Variants in NCOR1 observed in about 807,000 individuals in gnomAD.
NCOR1 encodes nuclear receptor corepressor 1, also known as protein phosphatase 1, regulatory subunit 109.
A neutral mutation model predicts 288.1 loss-of-function variants in NCOR1; 63 were observed. That is an observed-to-expected ratio of 0.22 (90% CI 0.18 to 0.27). The LOEUF (loss-of-function observed/expected upper bound fraction) is 0.27, where lower values mean the gene tolerates loss of function less well. Among genes scored for constraint, NCOR1 ranks in the 10% least tolerant of loss-of-function variants. The pLI is 1.00. For synonymous variants in NCOR1, 1,007 were observed against 1,065.9 expected (o/e 0.94, Z 1.08); for missense variants, 2,397 against 3,019.2 (o/e 0.79, Z 4.83).
intron 4 of NCOR1, among the ~76,000 whole-genome samples, chr17:16,170,535 T>C (rs947971348): frequency 6.6e-6 from 1 of 151,472 alleles, no homozygotes; most frequent in Non-Finnish European, 1.5e-5. Flanking sequence ...CAAAGCAGAG[T>C]TGAAAAAGGT....
chr17:16,104,042 G>C (rs1233125225), intron 19 of NCOR1, among the ~76,000 whole-genome samples: 1 of 151,948 alleles, frequency 6.6e-6, no homozygotes, highest in African/African-American at 2.4e-5. Context: ...CCTTAACAAA[G>C]TTATATTTTG....
chr17:16,162,589 G>A (rs554930330), intron 5 of NCOR1, among the ~76,000 whole-genome samples: 1 of 152,006 alleles, frequency 6.6e-6, no homozygotes, highest in Admixed American at 6.6e-5. Flanking sequence ...TTTAGACCAA[G>A]AGCTAATGTC....
Position 16,053,995 on chromosome 17 carries a change from G to C in NCOR1, c.6392+3519C>G, listed in dbSNP as rs187866359. 2.8e-4 allele frequency among the ~76,000 whole-genome samples: 39 copies of C among 138,112 alleles called. No homozygotes were observed. The East Asian group carries it at 8.5e-3, about 30-fold the overall frequency. The allele number at this position is 138,112 out of a possible 152,430, so 90.6% of individuals were successfully genotyped here. A position where few individuals can be genotyped will look rare whatever the true frequency, so the allele number is the denominator to read the frequency against. The stretch of plus-strand genomic sequence containing the variant: ...CTGGGATAACTGGCTATCACATGCA[G>C]AAGACTGAAACTGGGCTTCTTCTTT... On this transcript the variant is annotated intron_variant, in intron 40 of 45. Transcript: ENST00000268712.
intron 15 of NCOR1, chr17:16,122,664 T>C (rs1182511248): frequency 1.3e-5 from 2 of 152,282 alleles, no homozygotes; most frequent in Non-Finnish European, 1.5e-5. Flanking sequence ...TGAGAAAGTG[T>C]CTCACTCCGT....
intron 5 of NCOR1, among the ~76,000 whole-genome samples, chr17:16,159,683 G>T (rs577210048): frequency 6.6e-6 from 1 of 152,018 alleles, no homozygotes; most frequent in African/African-American, 2.4e-5. Flanking sequence ...ACAGTGCTCC[G>T]GTCAAAGGGC....
chr17:16,085,775 A>G (rs988607965), intron 23 of NCOR1, among the ~76,000 whole-genome samples: 1 of 152,238 alleles, frequency 6.6e-6, no homozygotes, highest in Non-Finnish European at 1.5e-5. Context: ...CAATAAGTTG[A>G]CAGGGGTGTG....
At position 16,080,456 on chromosome 17, in the gene NCOR1, G is replaced by C. The variant is rs770751119; in HGVS notation, c.3352C>G (p.Gln1118Glu). Residue 1118 changes from glutamine to glutamate, a missense_variant, in exon 25 of 46, where the codon CAA (glutamine) becomes GAA (glutamate). Around this residue, in one of 11 missense-constraint regions of NCOR1, gnomAD observed 1,872 missense variants for 2,187.8 expected, o/e 0.86. Coordinates refer to ENST00000268712, the MANE Select transcript of NCOR1 (RefSeq NM_006311.4). ...EEFSPRSQNS[Q>E]PEGLLVRAQH... ...GCCCTGACCAACAGACCCTCAGGTT[G>C]TGAGTTTTGGCTTCGGGGAGAAAAT... is the stretch of plus-strand genomic sequence containing the variant. 6.2e-7 allele frequency: 1 copy of C among 1,614,168 alleles called. No individual in the cohort carries two copies. The highest frequency in any genetic ancestry group is 8.5e-7 in the Non-Finnish European group (1 of 1,180,032).
chr17:16,195,452 C>T (rs991011309), intron 1 of NCOR1, among the ~76,000 whole-genome samples: 1 of 150,756 alleles, frequency 6.6e-6, no homozygotes, highest in African/African-American at 2.4e-5. Flanking sequence ...GCCGGGGCAA[C>T]AGAGCAAGAC....
chr17:16,126,373 T>C (rs993777865), intron 14 of NCOR1, among the ~76,000 whole-genome samples, 167 bp from the exon 15 acceptor site: 4 of 152,190 alleles, frequency 2.6e-5, no homozygotes, highest in Admixed American at 6.5e-5. Flanking sequence ...TAATGTATTC[T>C]ATATGTACTG....
At chr17:16,152,390 G>A (rs2079019612) in intron 7 of NCOR1, among the ~76,000 whole-genome samples, 1 of 151,914 alleles carries the variant, frequency 6.6e-6, no homozygotes, top group Admixed American at 6.6e-5. Flanking sequence ...ATCTATGAGT[G>A]GGAACATGCA....
At chr17:16,196,779 C>T (rs1475185130) in intron 1 of NCOR1, among the ~76,000 whole-genome samples, 20 of 140,814 alleles carry the variant, frequency 1.4e-4, no homozygotes, top group African/African-American at 4.8e-4. Context: ...GAGCCAAGAT[C>T]GGGCCACTGC....
rs894216663 is a variant in NCOR1 at position 16,186,493 on chromosome 17, G to A, written c.242+61C>T. 9.3e-6 allele frequency: 14 copies of A among 1,503,138 alleles called. No individual in the cohort carries two copies. The African/African-American group carries it at 1.4e-4, about 15-fold the overall frequency. 93.1% of individuals were successfully genotyped at this position (1,503,138 alleles called of 1,614,324 possible). ...ATAAAAAGTAAAAAAATAAAATAAT[G>A]ACAAACTTGTATACTTCACAATTAT... On this transcript the variant is annotated intron_variant, in intron 3 of 45. Transcript: ENST00000268712.
At chr17:16,060,488 T>A (rs1440242606) in intron 37 of NCOR1, among the ~76,000 whole-genome samples, 1 of 152,232 alleles carries the variant, frequency 6.6e-6, no homozygotes, top group South Asian at 2.1e-4. Flanking sequence ...ATGCAGAAAA[T>A]CTATATTGCA....
chr17:16,210,823 G>A (rs1412085045), intron 1 of NCOR1, among the ~76,000 whole-genome samples: 6 of 151,534 alleles, frequency 4.0e-5, no homozygotes, highest in Middle Eastern at 3.4e-3. Flanking sequence ...TCCGCCTCCC[G>A]GGTTCACGCC....
chr17:16,107,028 G>A (rs547307503), intron 19 of NCOR1, among the ~76,000 whole-genome samples: 1 of 150,588 alleles, frequency 6.6e-6, no homozygotes, highest in Non-Finnish European at 1.5e-5. Flanking sequence ...GAGTAGCTGG[G>A]ACTACAGGCG....
At chr17:16,211,408 T>A (rs771903002) in intron 1 of NCOR1, among the ~76,000 whole-genome samples, 8 of 151,950 alleles carry the variant, frequency 5.3e-5, no homozygotes, top group Non-Finnish European at 7.4e-5. Context: ...AATTTTTCAA[T>A]TTTTTTGTAG....
intron 3 of NCOR1, among the ~76,000 whole-genome samples, chr17:16,174,041 C>T (rs1053949820): frequency 2.0e-5 from 3 of 152,016 alleles, no homozygotes; most frequent in Non-Finnish European, 4.4e-5. Flanking sequence ...AAACATTGCT[C>T]GAAGAAATAA....
At chr17:16,178,876 AG>A (rs773561507) in intron 3 of NCOR1, among the ~76,000 whole-genome samples, 43 of 152,158 alleles carry the variant, frequency 2.8e-4, no homozygotes, top group Non-Finnish European at 4.7e-4. Flanking sequence ...AGGCCGATGC[AG>A]GTGGATCACC....
chr17:16,160,082 T>C (rs1365794361), intron 5 of NCOR1, among the ~76,000 whole-genome samples: 3 of 152,102 alleles, frequency 2.0e-5, no homozygotes, highest in Non-Finnish European at 4.4e-5. Flanking sequence ...TCCACCTGCC[T>C]TGGCCTCTCA....
Sources: gnomAD v4.1 joint callset for allele counts (sites outside exome capture counted in the v4.1 genomes callset) on GRCh38, gnomAD v4.1.1 for gene constraint, gnomAD v4.1.1 regional missense constraint, MANE v1.5 for transcripts, NCBI Gene and HGNC (gene_info 2026-07-23, HGNC 2026-07-21) for gene names.